The following KALRN variants were observed in gnomAD, a reference collection of about 807,000 sequenced individuals.
The protein encoded by KALRN is kalirin RhoGEF kinase.
KALRN carries 70 observed loss-of-function variants against 353.7 expected under a neutral mutation model. The ratio of observed to expected loss-of-function variants is 0.20; its 90% CI spans 0.16 to 0.24. The LOEUF (loss-of-function observed/expected upper bound fraction) is 0.24. Ranked by LOEUF, KALRN falls within the 10% of genes least tolerant of loss-of-function variation. The probability of loss-of-function intolerance (pLI) is 1.00; values close to 1 mark genes in which losing one functional copy is unlikely to be tolerated. For synonymous variants in KALRN, 1,391 were observed against 1,434.8 expected (o/e 0.97, Z 0.69); for missense variants, 2,791 against 3,756.7 (o/e 0.74, Z 6.72).
chr3:124,280,398 C>T (rs2075227839), intron 5 of KALRN, among the ~76,000 whole-genome samples: 2 of 152,164 alleles, frequency 1.3e-5, no homozygotes, highest in African/African-American at 4.8e-5. Context: ...CTCTTCCTTC[C>T]CCTGCAGGGC....
intron 9 of KALRN, among the ~76,000 whole-genome samples, chr3:124,335,808 G>A (rs2081079689): frequency 6.6e-6 from 1 of 152,112 alleles, no homozygotes; most frequent in South Asian, 2.1e-4. Flanking sequence ...TCATTCTTTT[G>A]TGGTATCAAC....
intron 1 of KALRN, among the ~76,000 whole-genome samples, chr3:124,043,299 G>A (rs2149092060): frequency 6.6e-6 from 1 of 152,206 alleles, no homozygotes; most frequent in Middle Eastern, 3.4e-3. Flanking sequence ...AAATAGCAAG[G>A]TAGTTGGAGA....
At chr3:124,191,181 A>G (rs2074864071) in intron 1 of KALRN, among the ~76,000 whole-genome samples, 1 of 152,218 alleles carries the variant, frequency 6.6e-6, no homozygotes, top group South Asian at 2.1e-4. Flanking sequence ...GAACCTCCAC[A>G]TGTTCCACTG....
At chr3:124,223,797 CAG>C (rs929104840) in intron 1 of KALRN, among the ~76,000 whole-genome samples, 6 of 152,198 alleles carry the variant, frequency 3.9e-5, no homozygotes, top group Non-Finnish European at 7.3e-5. Flanking sequence ...TAAGGTCACA[CAG>C]AGGCTGGAAG....
intron 10 of KALRN, among the ~76,000 whole-genome samples, chr3:124,372,825 C>G (rs2086032137): frequency 6.6e-6 from 1 of 151,996 alleles, no homozygotes; most frequent in Non-Finnish European, 1.5e-5. Flanking sequence ...GTCCTAAGTT[C>G]TGAGCAATTT....
intron 6 of KALRN, among the ~76,000 whole-genome samples, chr3:124,309,024 A>T (rs2077985163): frequency 6.6e-6 from 1 of 152,150 alleles, no homozygotes; most frequent in Non-Finnish European, 1.5e-5. Context: ...AATAATTGCA[A>T]GCCAATAAAT....
chr3:124,334,284 C>T lies in KALRN; in HGVS notation c.1436C>T (p.Ala479Val), dbSNP rs1373087480. ...CTGCAGGTCAGCCAGGATGGCAAAG[C>T]ACTACTTGATGTGCTGCAGCGGCCC... ...AYTEVSQDGK[A>V]LLDVLQRPLS... Residue 479 changes from alanine (A) to valine (V), a missense_variant, in exon 9 of 60, where the codon GCA becomes GTA. This residue lies in a region of KALRN where 366 missense variants were observed against 489.2 expected (regional missense o/e 0.75). Coordinates refer to ENST00000682506, the MANE Select transcript of KALRN (RefSeq NM_001388419.1). This position sits in a 1 kb window ranked among gnomAD's most constrained non-coding sequence, Gnocchi z 4.2. 3 of 1,614,224 alleles carry T rather than the reference C, an allele frequency of 1.9e-6. No individual in the cohort carries two copies. Among genetic ancestry groups the T allele is most frequent in the Non-Finnish European group, 2.5e-6 (3 of 1,180,016 alleles).
chr3:124,088,206 T>C (rs1254524647), intron 1 of KALRN, among the ~76,000 whole-genome samples: 4 of 152,162 alleles, frequency 2.6e-5, no homozygotes, highest in Non-Finnish European at 5.9e-5. Context: ...GGATGGTCCA[T>C]CAGGAACTTC....
intron 3 of KALRN, among the ~76,000 whole-genome samples, chr3:124,236,531 A>T (rs909327431): frequency 2.0e-5 from 3 of 152,212 alleles, no homozygotes; most frequent in Non-Finnish European, 4.4e-5. Context: ...TCTCTTAAAG[A>T]CAGAAGAAAT....
intron 1 of KALRN, among the ~76,000 whole-genome samples, chr3:124,129,997 T>C (rs2065101404): frequency 6.6e-6 from 1 of 152,236 alleles, no homozygotes; most frequent in African/African-American, 2.4e-5. Context: ...GTTTGATAAC[T>C]GATTAACATT....
In KALRN at chr3:124,202,146, A is replaced by C. The variant is rs181584101; in HGVS notation, c.74-25844A>C. 2.4e-4 allele frequency among the ~76,000 whole-genome samples: 37 copies of C among 152,384 alleles called. No individual in the cohort carries two copies. The East Asian group carries it at 6.9e-3, about 29-fold the overall frequency. On this transcript the variant is annotated intron_variant, in intron 1 of 59. Coordinates refer to ENST00000682506, the MANE Select transcript of KALRN (RefSeq NM_001388419.1). ...TATGTGCTTGGCATGTTTCATCTAC[A>C]TGGAAGTGATTTGGAAATTTTACAT...
chr3:124,694,423 G>A lies in KALRN; in HGVS notation c.7497G>A (p.Lys2499=). 6.2e-7 allele frequency: 1 copy of A among 1,614,216 alleles called. No homozygotes were observed. The highest frequency in any genetic ancestry group is 8.5e-7 in the Non-Finnish European group (1 of 1,180,036). The part of the protein sequence containing the change: ...ILQCKVCGRP[K]PTITWKGPDQ... ...AGTGCAAAGTCTGTGGGCGGCCAAA[G>A]CCCACCATCACTTGGAAGGGTCCAG... The change falls in exon 53 of 60, where the codon AAG becomes AAA. Residue 2499 remains lysine, a synonymous_variant. Coordinates refer to ENST00000682506, the MANE Select transcript of KALRN (RefSeq NM_001388419.1).
At chr3:124,231,094 G>A (rs1413091209) in intron 2 of KALRN, among the ~76,000 whole-genome samples, 2 of 152,198 alleles carry the variant, frequency 1.3e-5, no homozygotes, top group Non-Finnish European at 2.9e-5. Flanking sequence ...CCTTGGCCAG[G>A]CAAAAGGAAA....
At chr3:124,152,505 C>G in intron 1 of KALRN, 1 of 780,044 alleles carries the variant, frequency 1.3e-6, no homozygotes, top group African/African-American at 1.7e-5. Context: ...TTCTGTACAT[C>G]TGCCTATATT....
intron 1 of KALRN, among the ~76,000 whole-genome samples, chr3:124,200,371 C>A (rs2075838541): frequency 6.6e-6 from 1 of 152,140 alleles, no homozygotes; most frequent in African/African-American, 2.4e-5. Context: ...CTGGGAAATC[C>A]AGGATCAAGG....
chr3:124,679,852 C>T (rs1488250661), intron 51 of KALRN: 2 of 379,962 alleles, frequency 5.3e-6, no homozygotes, highest in Non-Finnish European at 1.0e-5. Flanking sequence ...GAAAACAGCA[C>T]TGTAAAGAGT....
intron 38 of KALRN, among the ~76,000 whole-genome samples, chr3:124,652,649 T>G (rs958810749): frequency 1.3e-4 from 20 of 152,072 alleles, no homozygotes; most frequent in African/African-American, 4.3e-4. Context: ...CTATCTCGGC[T>G]CACTGCAAGC....
intron 37 of KALRN, among the ~76,000 whole-genome samples, chr3:124,638,344 A>AC (rs2081605398): frequency 6.6e-6 from 1 of 151,974 alleles, no homozygotes; most frequent in Non-Finnish European, 1.5e-5. Flanking sequence ...TTAAAAAAAA[A>AC]AAAACAAAAA....
intron 1 of KALRN, among the ~76,000 whole-genome samples, chr3:124,063,784 G>A (rs543640908): frequency 2.0e-5 from 3 of 152,260 alleles, no homozygotes; most frequent in Admixed American, 1.3e-4. Context: ...GGCACCATCA[G>A]GTCAATTCAA....
Sources: allele counts gnomAD v4.1 joint callset (sites outside exome capture counted in the v4.1 genomes callset), GRCh38; gene constraint gnomAD v4.1.1; regional missense constraint gnomAD v4.1.1; non-coding constraint Gnocchi (gnomAD v3.1); transcripts MANE v1.5; gene names NCBI Gene and HGNC (gene_info 2026-07-23, HGNC 2026-07-21).